The following SYT14 variants were observed in gnomAD, a reference collection of about 807,000 sequenced individuals.
SYT14 encodes the protein synaptotagmin-14.
Under a neutral mutation model 74.2 loss-of-function variants are expected in SYT14, and 32 were observed. The ratio of observed to expected loss-of-function variants is 0.43; its 90% CI spans 0.33 to 0.58. SYT14 has a LOEUF of 0.58. Ranked by LOEUF, SYT14 falls within the 20% of genes least tolerant of loss-of-function variation. The pLI is 0.05. For missense variants in SYT14, 791 were observed against 981.8 expected (o/e 0.81, Z 2.60); for synonymous variants, 298 against 337.7 (o/e 0.88, Z 1.29).
chr1:210,011,583 GA>G (rs2080087627), intron 2 of SYT14, among the ~76,000 whole-genome samples: 1 of 152,092 alleles, frequency 6.6e-6, no homozygotes, highest in Non-Finnish European at 1.5e-5. Flanking sequence ...GCTTTGAAAA[GA>G]TATAATGTCT....
chr1:210,101,183 G>A (rs938895144), intron 7 of SYT14, among the ~76,000 whole-genome samples: 3 of 151,974 alleles, frequency 2.0e-5, no homozygotes, highest in African/African-American at 7.3e-5. Flanking sequence ...TTTAAACCAG[G>A]GAGATACATT....
At chr1:210,162,173 T>A (rs1322460057) in exon 10 of SYT14, 1 of 437,164 alleles carries the variant, frequency 2.3e-6, no homozygotes, top group South Asian at 1.6e-5. Flanking sequence ...AAGTTTCTAG[T>A]AACTTGTAAC....
chr1:210,020,055 G>A (rs921416061), intron 4 of SYT14, among the ~76,000 whole-genome samples: 1 of 152,138 alleles, frequency 6.6e-6, no homozygotes, highest in Non-Finnish European at 1.5e-5. Context: ...AGTTTTGTCT[G>A]TGCATACCTA....
intron 1 of SYT14, among the ~76,000 whole-genome samples, chr1:209,943,006 GAGA>G (rs1457349272): frequency 2.0e-5 from 3 of 152,060 alleles, no homozygotes; most frequent in South Asian, 2.1e-4. Context: ...TTAAAATAAT[GAGA>G]AGAATACTGA....
intron 1 of SYT14, 40 bp from the exon 2 acceptor site, chr1:209,952,669 C>G (rs773092874): frequency 1.4e-5 from 22 of 1,526,286 alleles, no homozygotes; most frequent in Non-Finnish European, 1.9e-5. Flanking sequence ...ATTCATGCTA[C>G]TTTCTATGTT....
At chr1:209,939,863 C>T (rs182048506) in intron 1 of SYT14, among the ~76,000 whole-genome samples, 298 of 152,208 alleles carry the variant, frequency 2.0e-3, no homozygotes, top group Middle Eastern at 3.4e-3. Context: ...CAGTTTTTTC[C>T]GTTTTTTCTT....
intron 5 of SYT14, among the ~76,000 whole-genome samples, chr1:210,068,718 G>T (rs147446014): frequency 6.6e-6 from 1 of 150,994 alleles, no homozygotes; most frequent in East Asian, 2.0e-4. Flanking sequence ...ATTCTTTCAG[G>T]GTTTTTAAAA....
chr1:210,151,516 T>C (rs2083162780), intron 7 of SYT14, among the ~76,000 whole-genome samples: 3 of 128,626 alleles, frequency 2.3e-5, no homozygotes, highest in Non-Finnish European at 3.5e-5. Flanking sequence ...CCCCCCCCTT[T>C]TTTTTTTTTT....
intron 5 of SYT14, among the ~76,000 whole-genome samples, chr1:210,034,646 A>G (rs1464579700): frequency 6.6e-6 from 1 of 151,506 alleles, no homozygotes; most frequent in Non-Finnish European, 1.5e-5. Context: ...TCTATGTCCA[A>G]TTTCTATGTT....
chr1:210,106,989 T>C (rs939434864), intron 7 of SYT14, among the ~76,000 whole-genome samples: 1 of 152,210 alleles, frequency 6.6e-6, no homozygotes, highest in Non-Finnish European at 1.5e-5. Context: ...GTACAGGCAT[T>C]GAGTAAATAC....
At chr1:209,945,078 G>A (rs1278786847) in intron 1 of SYT14, among the ~76,000 whole-genome samples, 1 of 151,936 alleles carries the variant, frequency 6.6e-6, no homozygotes, top group African/African-American at 2.4e-5. Flanking sequence ...CTTTTTTCCT[G>A]CCAGTTGTGG....
intron 7 of SYT14, among the ~76,000 whole-genome samples, chr1:210,120,705 A>G (rs11119411): frequency 0.14 from 21,497 of 152,184 alleles, 4,873 homozygotes; most frequent in African/African-American, 0.48. Flanking sequence ...ACATGTGACT[A>G]TAATTTGTAT....
exon 10 of SYT14, chr1:210,168,857 A>G (rs1470603713): frequency 6.6e-6 from 1 of 152,092 alleles, no homozygotes; most frequent in Non-Finnish European, 1.5e-5. Context: ...GTGTTGATGG[A>G]AGTAATCCAT....
chr1:209,968,257 T>C (rs563047427), intron 2 of SYT14, among the ~76,000 whole-genome samples: 2 of 152,286 alleles, frequency 1.3e-5, no homozygotes, highest in South Asian at 2.1e-4. Flanking sequence ...CATATCACTA[T>C]TGACCAGAGT....
At chr1:210,094,356 G>A (rs761952534) in exon 6 of SYT14, 11 of 1,613,806 alleles carry the variant, frequency 6.8e-6, no homozygotes, top group South Asian at 3.3e-5. Flanking sequence ...GAACACCCCC[G>A]CTGGATGAAT....
chr1:210,059,205 G>A (rs961207158), intron 5 of SYT14, among the ~76,000 whole-genome samples: 1 of 151,620 alleles, frequency 6.6e-6, no homozygotes, highest in Non-Finnish European at 1.5e-5. Context: ...CTCTGCCTTA[G>A]GATCAAATTA....
At chr1:210,163,304 A>G (rs1422698059) in exon 10 of SYT14, 9 of 453,634 alleles carry the variant, frequency 2.0e-5, no homozygotes, top group Admixed American at 1.6e-4. Flanking sequence ...GTGATTTGAT[A>G]CATCCCTAGG....
intron 5 of SYT14, among the ~76,000 whole-genome samples, chr1:210,036,551 G>A (rs971160068): frequency 9.2e-5 from 14 of 152,046 alleles, no homozygotes; most frequent in Non-Finnish European, 2.1e-4. Context: ...TATTCAGTAC[G>A]ATGCTGGCTG....
chr1:210,106,667 C>T (rs1352838597), intron 7 of SYT14, among the ~76,000 whole-genome samples: 1 of 152,082 alleles, frequency 6.6e-6, no homozygotes, highest in Non-Finnish European at 1.5e-5. Flanking sequence ...GGGTAACTGC[C>T]CCCATGATTA....
Sources: allele counts gnomAD v4.1 joint callset (sites outside exome capture counted in the v4.1 genomes callset), GRCh38; gene constraint gnomAD v4.1.1; transcripts MANE v1.5; gene names NCBI Gene and HGNC (gene_info 2026-07-23, HGNC 2026-07-21).